Variants in BOLA3 observed in about 807,000 individuals in gnomAD.
BOLA3 encodes the protein bolA family member 3.
BOLA3 carries 8 observed loss-of-function variants against 14.5 expected under a neutral mutation model. The ratio of observed to expected loss-of-function variants is 0.55; its 90% confidence interval spans 0.32 to 0.99. The LOEUF (loss-of-function observed/expected upper bound fraction) is 0.99. Among genes scored for constraint, BOLA3 ranks in the 50% least tolerant of loss-of-function variants. The pLI is 0.04. For missense variants in BOLA3, 115 were observed against 138.2 expected, an observed-to-expected ratio of 0.83 and a Z score of 0.84; for synonymous variants, 42 against 45.7, an observed-to-expected ratio of 0.92 and a Z score of 0.33.
intron 1 of BOLA3, chr2:74,145,612 G>C: frequency 2.5e-6 from 1 of 406,230 alleles, no homozygotes. Flanking sequence ...ACACTATTAT[G>C]CCGATAGTTT....
At position 74,145,183 on chromosome 2, in the gene BOLA3, C is replaced by T; in HGVS notation, c.169+6G>A. 6.6e-7 allele frequency: 1 copy of T among 1,514,334 alleles called. No individual in the cohort carries two copies. The highest frequency in any genetic ancestry group is 1.1e-5 in the South Asian group (1 of 89,076). 93.8% of individuals were successfully genotyped at this position (1,514,334 alleles called of 1,614,324 possible). ...AGCGCCGTAGGAAGAGTGAGAGAAA[C>T]CTTACCTGAAATGTCAGTGACTTTT... On this transcript the variant is annotated splice_donor_region_variant and intron_variant, in intron 2 of 3. Coordinates refer to ENST00000327428, the MANE Select transcript of BOLA3 (RefSeq NM_212552.3).
At chr2:74,136,573 T>C (rs1692334986) in intron 3 of BOLA3, among the ~76,000 whole-genome samples, 1 of 151,794 alleles carries the variant, frequency 6.6e-6, no homozygotes, top group Non-Finnish European at 1.5e-5. Flanking sequence ...TGGACACCCC[T>C]GCTCTACACT....
chr2:74,144,649 C>G (rs1179129320), intron 2 of BOLA3, among the ~76,000 whole-genome samples: 1 of 152,214 alleles, frequency 6.6e-6, no homozygotes, highest in Non-Finnish European at 1.5e-5. Flanking sequence ...AGAAGGACAG[C>G]GCTTGGCTGG....
chr2:74,145,449 C>A (rs1692526512), intron 1 of BOLA3, 146 bp from the exon 2 acceptor site: 2 of 692,766 alleles, frequency 2.9e-6, no homozygotes, highest in African/African-American at 1.8e-5. Flanking sequence ...GTCAGAGGGG[C>A]TCTGTGGTAT....
chr2:74,138,414 G>A (rs943390440), intron 3 of BOLA3, among the ~76,000 whole-genome samples: 1 of 152,242 alleles, frequency 6.6e-6, no homozygotes, highest in Non-Finnish European at 1.5e-5. Context: ...CCCTGCTTCC[G>A]GTGTTCGAGG....
chr2:74,136,780 T>G (rs960054827), intron 3 of BOLA3, among the ~76,000 whole-genome samples: 4 of 152,248 alleles, frequency 2.6e-5, no homozygotes, highest in Non-Finnish European at 4.4e-5. Context: ...AAATGAGCAG[T>G]TCTTTAAAAT....
intron 3 of BOLA3, among the ~76,000 whole-genome samples, chr2:74,136,046 C>G (rs370719197): frequency 6.6e-5 from 10 of 151,376 alleles, no homozygotes; most frequent in African/African-American, 2.2e-4. Flanking sequence ...ACCTCCTGGG[C>G]TCAAACAATC....
chr2:74,145,351 C>T (rs752438734), intron 1 of BOLA3, 48 bp from the exon 2 acceptor site: 19 of 1,176,872 alleles, frequency 1.6e-5, no homozygotes, highest in South Asian at 1.5e-4. Flanking sequence ...GATGCTGTTG[C>T]CCCTGAGCTG....
intron 3 of BOLA3, among the ~76,000 whole-genome samples, chr2:74,138,067 T>A (rs1235751573): frequency 6.6e-6 from 1 of 152,190 alleles, no homozygotes; most frequent in African/African-American, 2.4e-5. Flanking sequence ...CCCTCCCTGA[T>A]GCCTTCTCCC....
intron 3 of BOLA3, among the ~76,000 whole-genome samples, chr2:74,138,719 GC>G (rs1319643041): frequency 5.3e-5 from 8 of 152,202 alleles, no homozygotes; most frequent in African/African-American, 1.7e-4. Context: ...TGGTGGAGGC[GC>G]CTTAGGGGAG....
chr2:74,136,994 A>G (rs184099664), intron 3 of BOLA3, among the ~76,000 whole-genome samples: 86 of 152,200 alleles, frequency 5.7e-4, no homozygotes, highest in Non-Finnish European at 1.1e-3. Flanking sequence ...TCAAGTTTAT[A>G]ATCAGTACAG....
At chr2:74,139,766 A>C (rs1404151545) in intron 3 of BOLA3, among the ~76,000 whole-genome samples, 1 of 152,176 alleles carries the variant, frequency 6.6e-6, no homozygotes, top group Non-Finnish European at 1.5e-5. Context: ...GCAGACATCC[A>C]GTGTGGAGCT....
intron 3 of BOLA3, among the ~76,000 whole-genome samples, chr2:74,139,099 C>G (rs1254022501): frequency 6.6e-6 from 1 of 152,048 alleles, no homozygotes; most frequent in African/African-American, 2.4e-5. Context: ...GAGCCCCGCG[C>G]AGCAGGGTCC....
chr2:74,136,558 AG>A (rs1692334556), intron 3 of BOLA3, among the ~76,000 whole-genome samples: 1 of 152,132 alleles, frequency 6.6e-6, no homozygotes, highest in Non-Finnish European at 1.5e-5. Flanking sequence ...AGGAAGCCAA[AG>A]GACTGGACAC....
Position 74,135,635 on chromosome 2 carries a change from C to G in BOLA3, c.282G>C (p.Glu94Asp), listed in dbSNP as rs200938488. The G allele has an allele frequency of 8.1e-6, 13 of 1,613,856 alleles. No homozygotes were observed. The East Asian group carries it at 2.9e-4, about 36-fold the overall frequency. ...AGGTAAATATCCGCAATCCATGCATCTCTTTGATTTCTTCTTTTAGTGCCT... is the reference window on the plus strand; with the variant it reads ...AGGTAAATATCCGCAATCCATGCATGTCTTTGATTTCTTCTTTTAGTGCCT... ...VNQALKEEIK[E>D]MHGLRIFTSV... The change falls in exon 4 of 4, where the codon GAG becomes GAC. Residue 94 changes from glutamate (E) to aspartate (D), a missense_variant. Transcript: ENST00000327428.
chr2:74,137,511 A>G (rs112231179), intron 3 of BOLA3, among the ~76,000 whole-genome samples: 2,993 of 152,298 alleles, frequency 0.02, 101 homozygotes, highest in African/African-American at 0.068. Context: ...GTCTCTTACA[A>G]TATAAAGAAT....
At chr2:74,141,872 T>C (rs530137154) in intron 3 of BOLA3, among the ~76,000 whole-genome samples, 2 of 152,298 alleles carry the variant, frequency 1.3e-5, no homozygotes, top group Non-Finnish European at 2.9e-5. Flanking sequence ...GCTGCAGCCA[T>C]TCTCACTCAT....
chr2:74,135,487 A>T lies in BOLA3; in HGVS notation c.*106T>A. 1 of 1,508,108 alleles carries T rather than the reference A, an allele frequency of 6.6e-7. No individual in the cohort carries two copies. The highest frequency in any genetic ancestry group is 9.2e-7 in the Non-Finnish European group (1 of 1,085,498). The allele number at this position is 1,508,108 out of a possible 1,614,324, so 93.4% of individuals were successfully genotyped here. A position where few individuals can be genotyped will look rare whatever the true frequency, so the allele number is the denominator to read the frequency against. On this transcript the variant is annotated 3_prime_UTR_variant, in exon 4 of 4. Transcript: ENST00000327428. ...TTCTATAATTATAATATGGAAATGTATATGAGCAAAATATATAAATTTTTT... is the reference window on the plus strand; with the variant it reads ...TTCTATAATTATAATATGGAAATGTTTATGAGCAAAATATATAAATTTTTT...
intron 1 of BOLA3, chr2:74,145,866 CCTT>C (rs1370109027): frequency 1.3e-5 from 2 of 155,464 alleles, no homozygotes; most frequent in Non-Finnish European, 2.9e-5. Context: ...ATCATGCACT[CCTT>C]CTCACTGGGA....
Sources: gnomAD v4.1 joint callset for allele counts (sites outside exome capture counted in the v4.1 genomes callset) on GRCh38, gnomAD v4.1.1 for gene constraint, MANE v1.5 for transcripts, NCBI Gene and HGNC (gene_info 2026-07-23, HGNC 2026-07-21) for gene names.